The following WDPCP variants were observed in gnomAD, a reference collection of about 807,000 sequenced individuals.
The protein encoded by WDPCP is WD repeat containing planar cell polarity effector.
A neutral mutation model predicts 93.1 loss-of-function variants in WDPCP; 71 were observed. That is an observed-to-expected ratio of 0.76 (90% CI 0.63 to 0.93). WDPCP has a LOEUF of 0.93. Among genes scored for constraint, WDPCP ranks in the 40% least tolerant of loss-of-function variants. The pLI is 0.00. For synonymous variants in WDPCP, 315 were observed against 315.0 expected (o/e 1.00, Z 0.00); for missense variants, 844 against 887.4 (o/e 0.95, Z 0.62).
intron 10 of WDPCP, among the ~76,000 whole-genome samples, chr2:63,396,451 C>G (rs932069445): frequency 2.6e-5 from 4 of 152,156 alleles, no homozygotes; most frequent in Non-Finnish European, 4.4e-5. Context: ...AACATCATCA[C>G]TTGAACATGT....
At chr2:63,434,416 A>G (rs1048925186) in intron 8 of WDPCP, among the ~76,000 whole-genome samples, 1 of 152,226 alleles carries the variant, frequency 6.6e-6, no homozygotes, top group Non-Finnish European at 1.5e-5. Flanking sequence ...GTATACACAT[A>G]TATTCTGCAT....
At chr2:63,685,721 C>G (rs1411823581) in intron 2 of WDPCP, among the ~76,000 whole-genome samples, 1 of 152,016 alleles carries the variant, frequency 6.6e-6, no homozygotes, top group African/African-American at 2.4e-5. Flanking sequence ...TACTAGCAAG[C>G]CAAATTCAAC....
intron 13 of WDPCP, among the ~76,000 whole-genome samples, chr2:63,268,445 A>AAAAT (rs1682343474): frequency 6.6e-6 from 1 of 152,034 alleles, no homozygotes; most frequent in African/African-American, 2.4e-5. Context: ...TGTATATTTC[A>AAAAT]AAATAGATTT....
At chr2:63,377,520 AT>A (rs1329192517) in intron 12 of WDPCP, among the ~76,000 whole-genome samples, 1 of 150,948 alleles carries the variant, frequency 6.6e-6, no homozygotes, top group Non-Finnish European at 1.5e-5. Flanking sequence ...ATAATTTTTT[AT>A]TTTTAATAAT....
chr2:63,133,962 A>G (rs1553537945), intron 17 of WDPCP, among the ~76,000 whole-genome samples: 1 of 152,192 alleles, frequency 6.6e-6, no homozygotes, highest in Non-Finnish European at 1.5e-5. Context: ...CAGAGTTCCT[A>G]TAAAGTTATT....
intron 6 of WDPCP, among the ~76,000 whole-genome samples, chr2:63,452,332 C>T (rs1215864027): frequency 6.6e-6 from 1 of 152,178 alleles, no homozygotes; most frequent in Non-Finnish European, 1.5e-5. Context: ...CGAGCGAACT[C>T]CCATTCACAA....
In WDPCP at chr2:63,518,284, A is replaced by T. The variant is rs76810195; in HGVS notation, c.76-25344T>A. 142 of 152,512 alleles carry T rather than the reference A, an allele frequency of 9.3e-4. 2 individuals are homozygous for T. Among genetic ancestry groups the T allele is most frequent in the Non-Finnish European group, 2.9e-5 (2 of 68,250 alleles). 9.4% of individuals were successfully genotyped at this position (152,512 alleles called of 1,614,324 possible). A position where few individuals can be genotyped will look rare whatever the true frequency, so the allele number is the denominator to read the frequency against. On this transcript the variant is annotated intron_variant, in intron 1 of 17. Transcript: ENST00000272321. The stretch of plus-strand genomic sequence containing the variant: ...GGGTGGATGAAGGGATGGCACTGGG[A>T]GTGGACAGAGGGAAGACACAAATCC...
intron 3 of WDPCP, among the ~76,000 whole-genome samples, chr2:63,646,228 T>C (rs1710048342): frequency 6.6e-6 from 1 of 152,116 alleles, no homozygotes; most frequent in African/African-American, 2.4e-5. Flanking sequence ...TAATTTATTA[T>C]TTTAAGCTGA....
chr2:63,744,048 G>C (rs547213402), intron 2 of WDPCP, among the ~76,000 whole-genome samples: 18 of 152,172 alleles, frequency 1.2e-4, no homozygotes, highest in African/African-American at 3.6e-4. Context: ...ATGAAGGGTG[G>C]GGGTGTGGAG....
In WDPCP at chr2:63,785,774, G is replaced by A. The variant is rs186457278; in HGVS notation, n.308+27848C>T. Among the ~76,000 whole-genome samples, 18 of 152,212 alleles carry A rather than the reference G, an allele frequency of 1.2e-4. No individual in the cohort carries two copies. In the East Asian group the frequency reaches 3.5e-3, roughly 29 times the overall value. On this transcript the variant is annotated intron_variant and non_coding_transcript_variant, in intron 2 of 4. Transcript: ENST00000467687. ...TTACAAGTTTTAAATTAGGTCATCT[G>A]GAGAAACCTGATTTAACATCTAGTT...
chr2:63,449,504 CAAGT>C (rs1410113340), intron 6 of WDPCP, among the ~76,000 whole-genome samples: 1 of 99,474 alleles, frequency 1.0e-5, no homozygotes, highest in Non-Finnish European at 2.3e-5. Context: ...GAAAAGAAAG[CAAGT>C]GGCCACCTCA....
chr2:63,714,104 G>T (rs368588937), intron 2 of WDPCP, among the ~76,000 whole-genome samples: 1 of 143,292 alleles, frequency 7.0e-6, no homozygotes, highest in Non-Finnish European at 1.5e-5. Flanking sequence ...TGCCCAGGCT[G>T]CAGTGCAGTG....
At chr2:63,510,004 A>G (rs1558732841) in intron 1 of WDPCP, among the ~76,000 whole-genome samples, 1 of 152,220 alleles carries the variant, frequency 6.6e-6, no homozygotes, top group Admixed American at 6.5e-5. Context: ...CCAGAGGTAC[A>G]AAGAGGAGCT....
intron 12 of WDPCP, among the ~76,000 whole-genome samples, chr2:63,318,322 T>C (rs1013164249): frequency 6.6e-6 from 1 of 152,186 alleles, no homozygotes; most frequent in African/African-American, 2.4e-5. Flanking sequence ...CTACTGGCAA[T>C]GTAAATTAGT....
chr2:63,715,573 C>T (rs930761770), intron 2 of WDPCP, among the ~76,000 whole-genome samples: 3 of 152,190 alleles, frequency 2.0e-5, no homozygotes, highest in Non-Finnish European at 4.4e-5. Flanking sequence ...AAGAGCCATT[C>T]TTTTCTCTGA....
At chr2:63,528,042 C>G (rs1483767467) in intron 1 of WDPCP, among the ~76,000 whole-genome samples, 1 of 151,950 alleles carries the variant, frequency 6.6e-6, no homozygotes, top group African/African-American at 2.4e-5. Context: ...CTATTCATAT[C>G]CTTCGCCCCC....
At chr2:63,705,779 C>T (rs1462676818) in intron 2 of WDPCP, among the ~76,000 whole-genome samples, 2 of 147,846 alleles carry the variant, frequency 1.4e-5, no homozygotes, top group Non-Finnish European at 3.0e-5. Flanking sequence ...TTCTGTTGAT[C>T]TGGGGTGGAG....
At chr2:63,514,400 A>G (rs1702424578) in intron 1 of WDPCP, among the ~76,000 whole-genome samples, 1 of 152,072 alleles carries the variant, frequency 6.6e-6, no homozygotes, top group South Asian at 2.1e-4. Context: ...AGCATCCCTT[A>G]TCCTTCCTTC....
chr2:63,677,901 T>C (rs1710442901), intron 2 of WDPCP, among the ~76,000 whole-genome samples: 1 of 152,196 alleles, frequency 6.6e-6, no homozygotes, highest in South Asian at 2.1e-4. Flanking sequence ...GTATATATTT[T>C]ATTAAATATA....
Sources: gnomAD v4.1 joint callset for allele counts (sites outside exome capture counted in the v4.1 genomes callset) on GRCh38, gnomAD v4.1.1 for gene constraint, MANE v1.5 for transcripts, NCBI Gene and HGNC (gene_info 2026-07-23, HGNC 2026-07-21) for gene names.